Variants in IGDCC3 observed in about 807,000 individuals in gnomAD.
IGDCC3 encodes immunoglobulin superfamily DCC subclass member 3, also known as putative neuronal cell adhesion molecule.
A neutral mutation model predicts 72.0 loss-of-function variants in IGDCC3; 47 were observed. The ratio of observed to expected loss-of-function variants is 0.65; its 90% confidence interval spans 0.52 to 0.83. The LOEUF is 0.83. IGDCC3 is among the 40% of genes least tolerant of loss of function. The probability of loss-of-function intolerance (pLI) is 0.00; values close to 1 mark genes in which losing one functional copy is unlikely to be tolerated. For missense variants in IGDCC3, 1,038 were observed against 1,091.3 expected (o/e 0.95, Z 0.69); for synonymous variants, 477 against 472.8 (o/e 1.01, Z -0.11).
rs1307049209 is a variant in IGDCC3, at chr15:65,335,842, T to C, written c.524A>G (p.Asn175Ser). The change falls in exon 3 of 14, where the codon AAC becomes AGC. Residue 175 changes from asparagine (N) to serine (S), a missense_variant. Transcript: ENST00000327987. ...ATTGTCCGTGTCAATTGGGACTCTG[T>C]TCTTCTCCCAAGTGATCAGGGGTTT... ...LPKPLITWEK[N>S]RVPIDTDNER... The C allele has an allele frequency of 6.2e-7, 1 of 1,614,082 alleles. No homozygotes were observed. Among genetic ancestry groups the C allele is most frequent in the Non-Finnish European group, 8.5e-7 (1 of 1,180,018 alleles).
intron 2 of IGDCC3, among the ~76,000 whole-genome samples, chr15:65,342,242 C>T (rs955041853): frequency 1.3e-4 from 20 of 151,558 alleles, no homozygotes; most frequent in African/African-American, 3.9e-4. Context: ...CAAAATTAGC[C>T]GGGCGTGGTG....
Position 65,328,845 on chromosome 15 carries a change from A to C in IGDCC3, c.*64T>G, listed in dbSNP as rs373242020. The C allele has an allele frequency of 1.1e-5, 17 of 1,485,388 alleles. No homozygotes were observed. Among genetic ancestry groups the C allele is most frequent in the Non-Finnish European group, 1.3e-5 (15 of 1,117,500 alleles). 92.0% of individuals were successfully genotyped at this position (1,485,388 alleles called of 1,614,324 possible). A position where few individuals can be genotyped will look rare whatever the true frequency, so the allele number is the denominator to read the frequency against. On this transcript the variant is annotated 3_prime_UTR_variant, in exon 14 of 14. Coordinates refer to ENST00000327987, the MANE Select transcript of IGDCC3 (RefSeq NM_004884.4). Reference sequence around the variant, plus strand: ...ATCCAAATCCCACATGACAGTAGAAATCTTGCTTTTGACCTGAGAATGGGC... The same window carrying C: ...ATCCAAATCCCACATGACAGTAGAACTCTTGCTTTTGACCTGAGAATGGGC...
At position 65,330,603 on chromosome 15, in the gene IGDCC3, G is replaced by C. The variant is rs767905104; in HGVS notation, c.1700C>G (p.Thr567Ser). The change falls in exon 10 of 14, where the codon ACC (threonine) becomes AGC (serine). Residue 567 changes from threonine to serine, a missense_variant. Transcript: ENST00000327987. ...GGTTCCAGGCAGCAGGATGGGGCCG[G>C]TGAAGGAGGTCTTGCTTGCTGGGCG... ...FYRPASKTSF[T>S]GPILLPGTVS... 1.2e-6 allele frequency: 2 copies of C among 1,613,630 alleles called. No homozygotes were observed.
At chr15:65,366,436 G>A (rs929436431) in intron 2 of IGDCC3, among the ~76,000 whole-genome samples, 3 of 152,102 alleles carry the variant, frequency 2.0e-5, no homozygotes, top group African/African-American at 7.2e-5. Flanking sequence ...AGGAGGAGCT[G>A]GAGAAAGGAA....
intron 2 of IGDCC3, chr15:65,355,746 G>C (rs753244077): frequency 2.2e-4 from 101 of 453,002 alleles, no homozygotes; most frequent in Admixed American, 4.3e-4. Flanking sequence ...GGGTGAATGA[G>C]AGAATCCGGC....
rs1383729746 is a variant in IGDCC3 at position 65,370,608 on chromosome 15, ATATATGTATGTG to A, written c.409+4477_409+4488del. 1.2e-4 allele frequency among the ~76,000 whole-genome samples: 12 copies of A among 100,934 alleles called. No homozygotes were observed. The East Asian group carries it at 2.0e-3, about 17-fold the overall frequency. The allele number at this position is 100,934 out of a possible 152,430, so 66.2% of individuals were successfully genotyped here. Reference sequence around the variant, plus strand: ...TGTATGTATATATATGTATGTGTATATATATGTATGTGTATATATATATATATATATATATAT... The same window carrying A: ...TGTATGTATATATATGTATGTGTATATATATATATATATATATATATATAT... On this transcript the variant is annotated intron_variant, in intron 2 of 13. Transcript: ENST00000327987.
At position 65,329,464 on chromosome 15, in the gene IGDCC3, G is replaced by A. The variant is rs765875217; in HGVS notation, c.2131C>T (p.Arg711Cys). 1.6e-5 allele frequency: 25 copies of A among 1,610,590 alleles called. No homozygotes were observed. The highest frequency in any genetic ancestry group is 1.7e-4 in the Middle Eastern group (1 of 6,040). The change falls in exon 13 of 14, where the codon CGT becomes TGT. Residue 711 changes from arginine to cysteine, a missense_variant. By Grantham distance (180) the Arg-to-Cys change is radical (BLOSUM62 -3). Transcript: ENST00000327987. This position sits in a 1 kb window ranked among gnomAD's most constrained non-coding sequence, Gnocchi z 4.1. The part of the protein sequence containing the change: ...QRGQLGRDEK[R>C]VDMKELEQLF... ...TGCTCCAGCTCCTTCATATCCACACGTTTCTCGTCTCGGCCCAGCTGGCCC... is the reference window on the plus strand; with the variant it reads ...TGCTCCAGCTCCTTCATATCCACACATTTCTCGTCTCGGCCCAGCTGGCCC...
At chr15:65,349,591 G>A (rs1040632660) in intron 2 of IGDCC3, among the ~76,000 whole-genome samples, 4 of 152,164 alleles carry the variant, frequency 2.6e-5, no homozygotes, top group African/African-American at 7.2e-5. Context: ...CTGTATGTCC[G>A]CTTTTCAAGA....
chr15:65,353,501 C>T (rs547996669), intron 2 of IGDCC3, among the ~76,000 whole-genome samples: 6 of 152,142 alleles, frequency 3.9e-5, no homozygotes, highest in Admixed American at 2.0e-4. Context: ...CTGCCCGCCT[C>T]GGCCTCCCAA....
At chr15:65,343,401 T>C (rs1329727234) in intron 2 of IGDCC3, among the ~76,000 whole-genome samples, 2 of 141,200 alleles carry the variant, frequency 1.4e-5, no homozygotes, top group African/African-American at 5.3e-5. Context: ...GCCTGAATGG[T>C]GTGGGGGGAG....
chr15:65,346,701 C>T (rs969909711), intron 2 of IGDCC3, among the ~76,000 whole-genome samples: 4 of 152,196 alleles, frequency 2.6e-5, no homozygotes, highest in Non-Finnish European at 5.9e-5. Context: ...TCAGGTGATC[C>T]GCCTGCCTCG....
chr15:65,331,124 A>C lies in IGDCC3; in HGVS notation c.1487T>G (p.Phe496Cys). The C allele has an allele frequency of 1.2e-6, 2 of 1,614,060 alleles. No homozygotes were observed. The highest frequency in any genetic ancestry group is 1.7e-6 in the Non-Finnish European group (2 of 1,179,986). The change falls in exon 9 of 14, where the codon TTC becomes TGC. Residue 496 changes from phenylalanine to cysteine, a missense_variant. Phe to Cys is a radical substitution (Grantham distance 205). Transcript: ENST00000327987. ...SDLEPSTAYS[F>C]YIKAYTPRGA... The stretch of plus-strand genomic sequence containing the variant: ...CCTTGGTGTGTAGGCCTTGATGTAG[A>C]AACTGTAGGCTGTGGAGGGCTCCAG...
chr15:65,364,836 G>A (rs1043702525), intron 2 of IGDCC3, among the ~76,000 whole-genome samples: 6 of 152,136 alleles, frequency 3.9e-5, no homozygotes, highest in Non-Finnish European at 7.4e-5. Flanking sequence ...AGCCAAGATC[G>A]CACCACTGAA....
At position 65,329,775 on chromosome 15, in the gene IGDCC3, T is replaced by C. The variant is rs1182431642; in HGVS notation, c.1948A>G (p.Thr650Ala). 6.2e-7 allele frequency: 1 copy of C among 1,614,174 alleles called. No homozygotes were observed. The change falls in exon 12 of 14, where the codon ACT (threonine) becomes GCT (alanine). Residue 650 changes from threonine (T) to alanine (A), a missense_variant. By Grantham distance (58) the Thr-to-Ala change is moderately conservative (BLOSUM62 0). Coordinates refer to ENST00000327987, the MANE Select transcript of IGDCC3 (RefSeq NM_004884.4). This position sits in a 1 kb window ranked among gnomAD's most constrained non-coding sequence, Gnocchi z 4.1. ...AAGAGGACACAGAAGATGATGCAAG[T>C]GACCCCGATGTGGATGCCGATGACG... ...GIVIGIHIGV[T>A]CIIFCVLFLL...
At chr15:65,376,614 TC>T (rs1199046823) in intron 1 of IGDCC3, among the ~76,000 whole-genome samples, 1 of 13,546 alleles carries the variant, frequency 7.4e-5, no homozygotes, top group Non-Finnish European at 1.8e-4. Flanking sequence ...CGCGCCCCCC[TC>T]CCCCCGTCCC....
At chr15:65,355,925 A>G (rs915388357) in intron 2 of IGDCC3, 1 of 302,784 alleles carries the variant, frequency 3.3e-6, no homozygotes. Flanking sequence ...GCGGAGGGAA[A>G]CTGAGGAAGC....
intron 2 of IGDCC3, among the ~76,000 whole-genome samples, chr15:65,350,705 G>A (rs1043649721): frequency 6.6e-6 from 1 of 151,836 alleles, no homozygotes; most frequent in Non-Finnish European, 1.5e-5. Context: ...CAGGTGATCT[G>A]CCCACCTCAG....
intron 2 of IGDCC3, among the ~76,000 whole-genome samples, chr15:65,371,945 CA>C (rs1266655905): frequency 1.3e-5 from 2 of 152,188 alleles, no homozygotes; most frequent in Non-Finnish European, 2.9e-5. Context: ...GGGGTTAAAA[CA>C]AAACAAGATG....
intron 8 of IGDCC3, 49 bp downstream of exon 8, chr15:65,331,363 T>A: frequency 6.4e-7 from 1 of 1,572,900 alleles, no homozygotes; most frequent in South Asian, 1.2e-5. Context: ...TTGGAAGGAA[T>A]AAGAAATAGT....
Sources: gnomAD v4.1 joint callset for allele counts (sites outside exome capture counted in the v4.1 genomes callset) on GRCh38, gnomAD v4.1.1 for gene constraint, Gnocchi (gnomAD v3.1) non-coding constraint, MANE v1.5 for transcripts, NCBI Gene and HGNC (gene_info 2026-07-23, HGNC 2026-07-21) for gene names.